HS6ST2: variants seen among roughly 807,000 people sequenced by gnomAD.
HS6ST2 encodes the protein heparan sulfate 6-O-sulfotransferase 2.
Under a neutral mutation model 33.0 loss-of-function variants are expected in HS6ST2, and 17 were observed. The observed-to-expected ratio is 0.52, with a 90% CI of 0.35 to 0.77. HS6ST2 has a LOEUF of 0.77. HS6ST2 is among the 30% of genes least tolerant of loss of function. The probability of loss-of-function intolerance (pLI) is 0.01; values close to 1 mark genes in which losing one functional copy is unlikely to be tolerated. For synonymous variants in HS6ST2, 248 were observed against 237.1 expected (o/e 1.05, Z -0.42); for missense variants, 519 against 551.7 (o/e 0.94, Z 0.59).
chrX:132,952,748 A>T (rs1438147776), intron 2 of HS6ST2, among the ~76,000 whole-genome samples: 1 of 111,540 alleles, frequency 9.0e-6, no homozygotes, highest in Non-Finnish European at 1.9e-5. Context: ...CAGATGCCTC[A>T]GCCTGCTCCC....
At chrX:132,952,827 C>A (rs1448245943) in intron 2 of HS6ST2, among the ~76,000 whole-genome samples, 1 of 111,274 alleles carries the variant, frequency 9.0e-6, no homozygotes, top group Non-Finnish European at 1.9e-5. Flanking sequence ...AGCCACAAGA[C>A]CTACCCCTGG....
intron 2 of HS6ST2, among the ~76,000 whole-genome samples, chrX:132,817,219 C>T (rs1358996465): frequency 2.7e-5 from 3 of 111,348 alleles, no homozygotes; most frequent in African/African-American, 6.5e-5. Context: ...CTTGTAGAGA[C>T]CTACATTTGA....
chrX:132,919,914 G>A (rs1489234663), intron 2 of HS6ST2, among the ~76,000 whole-genome samples: 1 of 112,176 alleles, frequency 8.9e-6, no homozygotes, highest in Non-Finnish European at 1.9e-5. Context: ...TCTCTCCAGA[G>A]AGAGCCAGCT....
At chrX:132,669,531 C>A in intron 3 of HS6ST2, 1 of 152,219 alleles carries the variant, frequency 6.6e-6, no homozygotes, top group Non-Finnish European at 1.3e-5. Context: ...ATAAAAATAA[C>A]TAGTCTTTAA....
At chrX:132,784,729 T>C (rs1463273359) in intron 2 of HS6ST2, among the ~76,000 whole-genome samples, 1 of 112,040 alleles carries the variant, frequency 8.9e-6, no homozygotes, top group Non-Finnish European at 1.9e-5. Context: ...CCCCCTCTTC[T>C]GCTTTCTCAG....
At chrX:132,704,206 G>A (rs1235404627) in intron 3 of HS6ST2, among the ~76,000 whole-genome samples, 1 of 112,047 alleles carries the variant, frequency 8.9e-6, no homozygotes, top group Non-Finnish European at 1.9e-5. Flanking sequence ...CCCTTGGCAC[G>A]TGCGTTTCTT....
intron 4 of HS6ST2, among the ~76,000 whole-genome samples, chrX:132,645,222 C>T (rs1349492660): frequency 8.9e-6 from 1 of 112,507 alleles, no homozygotes; most frequent in Non-Finnish European, 1.9e-5. Context: ...AAGGGGCAGC[C>T]CCTAAGGGGC....
chrX:132,939,643 T>A (rs1309798058), intron 2 of HS6ST2, among the ~76,000 whole-genome samples: 1 of 111,297 alleles, frequency 9.0e-6, no homozygotes, highest in Non-Finnish European at 1.9e-5. Context: ...CAAAAAAAAC[T>A]ATCTTTTTAT....
chrX:132,940,993 T>C (rs1371522300), intron 2 of HS6ST2, among the ~76,000 whole-genome samples: 1 of 111,805 alleles, frequency 8.9e-6, no homozygotes, highest in Non-Finnish European at 1.9e-5. Context: ...ACCCAGTCCT[T>C]GGACACTGAA....
Position 132,628,151 on chromosome X carries a change from T to G in HS6ST2, c.*72A>C. The stretch of plus-strand genomic sequence containing the variant: ...AAGGAAGCAGGATGTGTTTGGACAC[T>G]TTCATCTTTTAAGCTATGCCATCTT... On this transcript the variant is annotated 3_prime_UTR_variant, in exon 5 of 5. Transcript: ENST00000370833. 1 of 796,043 alleles carries G rather than the reference T, an allele frequency of 1.3e-6. No individual in the cohort carries two copies. The highest frequency in any genetic ancestry group is 1.8e-6 in the Non-Finnish European group (1 of 563,673). The allele number at this position is 796,043 out of a possible 1,213,427, so 65.6% of individuals were successfully genotyped here. A position where few individuals can be genotyped will look rare whatever the true frequency, so the allele number is the denominator to read the frequency against.
chrX:132,819,742 T>C (rs1490474986), intron 2 of HS6ST2, among the ~76,000 whole-genome samples: 1 of 111,861 alleles, frequency 8.9e-6, no homozygotes, highest in East Asian at 2.8e-4. Context: ...GCCAAGCACT[T>C]GACCTGACAA....
chrX:132,879,154 C>T (rs1237594122), intron 2 of HS6ST2, among the ~76,000 whole-genome samples: 2 of 111,383 alleles, frequency 1.8e-5, no homozygotes, highest in Non-Finnish European at 3.8e-5. Context: ...GGCCTTCTAC[C>T]GCTTCTCCCT....
At chrX:132,763,292 A>T (rs2064818670) in intron 2 of HS6ST2, among the ~76,000 whole-genome samples, 1 of 112,446 alleles carries the variant, frequency 8.9e-6, no homozygotes, top group Non-Finnish European at 1.9e-5. Context: ...CCCACGAGTA[A>T]AAGTTTTAAG....
rs386417567 is a variant in HS6ST2 at position 132,648,538 on chromosome X, C to CAAAAA, written c.1068-19450_1068-19446dup. Among the ~76,000 whole-genome samples the CAAAAA allele has an allele frequency of 3.1e-4, 18 of 57,546 alleles. 1 individual carries two copies. The highest frequency in any genetic ancestry group is 9.3e-4 in the African/African-American group (16 of 17,249). The allele number at this position is 57,546 out of a possible 115,157, so 50.0% of individuals were successfully genotyped here. On this transcript the variant is annotated intron_variant, in intron 4 of 4. Coordinates refer to ENST00000370833, the MANE Select transcript of HS6ST2 (RefSeq NM_001394073.1). ...ACTGAAAATTGCATGTGGAAAGAGA[C>CAAAAA]AAAAAAAAAAAAAAAAAAGGTTGGG...
intron 2 of HS6ST2, among the ~76,000 whole-genome samples, chrX:132,885,015 C>T (rs760717395): frequency 9.0e-6 from 1 of 111,552 alleles, no homozygotes; most frequent in African/African-American, 3.3e-5. Context: ...GAGGTGTAAA[C>T]CCAAGAGAAC....
intron 2 of HS6ST2, among the ~76,000 whole-genome samples, chrX:132,782,269 A>G (rs1232704799): frequency 8.9e-6 from 1 of 111,744 alleles, no homozygotes; most frequent in Non-Finnish European, 1.9e-5. Context: ...TTGCAAATGT[A>G]CTTTGGAAAA....
intron 2 of HS6ST2, among the ~76,000 whole-genome samples, chrX:132,731,015 C>T (rs1268264285): frequency 9.0e-6 from 1 of 111,589 alleles, no homozygotes; most frequent in Admixed American, 9.4e-5. Context: ...CTGGTGGGTA[C>T]CAATGAAAAC....
intron 2 of HS6ST2, among the ~76,000 whole-genome samples, chrX:132,874,230 A>G (rs1425311801): frequency 8.9e-6 from 1 of 112,500 alleles, no homozygotes; most frequent in Non-Finnish European, 1.9e-5. Context: ...CCTGCAAAAA[A>G]GAAAGATTTT....
chrX:132,678,527 G>A (rs965133486), intron 3 of HS6ST2, among the ~76,000 whole-genome samples: 2 of 112,521 alleles, frequency 1.8e-5, no homozygotes. Flanking sequence ...TTCTCTTCAC[G>A]TTTATTTACA....
Sources: allele counts gnomAD v4.1 joint callset (sites outside exome capture counted in the v4.1 genomes callset), GRCh38; gene constraint gnomAD v4.1.1; transcripts MANE v1.5; gene names NCBI Gene and HGNC (gene_info 2026-07-23, HGNC 2026-07-21).